Variants in ZBTB20 observed in about 807,000 individuals in gnomAD.
ZBTB20 encodes zinc finger and BTB domain containing 20.
Under a neutral mutation model 56.9 loss-of-function variants are expected in ZBTB20, and 9 were observed. That is an observed-to-expected ratio of 0.16 (90% confidence interval 0.10 to 0.28). ZBTB20 has a LOEUF of 0.28. ZBTB20 is among the 10% of genes least tolerant of loss of function. ZBTB20 has a pLI of 1.00. For synonymous variants in ZBTB20, 417 were observed against 420.7 expected (o/e 0.99, Z 0.11); for missense variants, 655 against 1,003.0 (o/e 0.65, Z 4.69).
intron 6 of ZBTB20, among the ~76,000 whole-genome samples, chr3:114,583,053 T>C (rs1559992627): frequency 6.6e-6 from 1 of 152,222 alleles, no homozygotes; most frequent in Admixed American, 6.5e-5. Flanking sequence ...ATTAACAGAA[T>C]CAACAGGTGA....
intron 7 of ZBTB20, among the ~76,000 whole-genome samples, chr3:114,446,461 C>T (rs374344525): frequency 2.8e-4 from 43 of 152,114 alleles, no homozygotes; most frequent in African/African-American, 8.2e-4. Context: ...TGCTTAAATT[C>T]GAAAGGATAG....
At chr3:115,038,469 A>G (rs2081016272) in intron 2 of ZBTB20, among the ~76,000 whole-genome samples, 1 of 152,200 alleles carries the variant, frequency 6.6e-6, no homozygotes, top group South Asian at 2.1e-4. Flanking sequence ...AAATACAATT[A>G]GTACATTGAT....
In ZBTB20 at chr3:115,040,188, T is replaced by C. The variant is rs546239557; in HGVS notation, c.-507+31031A>G. 6.6e-5 allele frequency among the ~76,000 whole-genome samples: 10 copies of C among 152,290 alleles called. No homozygotes were observed. In the South Asian group the frequency reaches 1.0e-3, roughly 16 times the overall value. ...TAATGCTGAATGACTCACTGACTGATTGAATCACTGTCATTCATTCAACAG... is the reference window on the plus strand; with the variant it reads ...TAATGCTGAATGACTCACTGACTGACTGAATCACTGTCATTCATTCAACAG... On this transcript the variant is annotated intron_variant, in intron 2 of 11. Transcript: ENST00000675478.
At chr3:114,375,003 A>G (rs1018633044) in intron 10 of ZBTB20, among the ~76,000 whole-genome samples, 1 of 152,234 alleles carries the variant, frequency 6.6e-6, no homozygotes, top group African/African-American at 2.4e-5. Flanking sequence ...TCATACAGAC[A>G]TACATTCACA....
At chr3:115,085,830 T>G (rs931906798) in intron 1 of ZBTB20, among the ~76,000 whole-genome samples, 1 of 151,854 alleles carries the variant, frequency 6.6e-6, no homozygotes, top group Non-Finnish European at 1.5e-5. Context: ...ACACTAGAAA[T>G]TTTTTTATGG....
rs72945775 is a variant in ZBTB20 at position 115,104,526 on chromosome 3, T to C, written c.-702-33112A>G. Among the ~76,000 whole-genome samples the C allele has an allele frequency of 5.9e-3, 894 of 152,274 alleles. 12 individuals are homozygous for C. Among genetic ancestry groups the C allele is most frequent in the African/African-American group, 0.021 (865 of 41,526 alleles). On this transcript the variant is annotated intron_variant, in intron 1 of 11. Transcript: ENST00000675478. Reference sequence around the variant, plus strand: ...TTTAGTGCTAAAACGAAATGAGATATCAAGCCATGAAAAGACATGTAGGAA... The same window carrying C: ...TTTAGTGCTAAAACGAAATGAGATACCAAGCCATGAAAAGACATGTAGGAA...
intron 6 of ZBTB20, among the ~76,000 whole-genome samples, chr3:114,662,323 G>C (rs1168297263): frequency 6.7e-6 from 1 of 148,698 alleles, no homozygotes; most frequent in Non-Finnish European, 1.5e-5. Flanking sequence ...ATTTGGGTTG[G>C]TTCCAAGTCT....
At chr3:115,120,795 T>C (rs912905086) in intron 1 of ZBTB20, among the ~76,000 whole-genome samples, 1 of 151,974 alleles carries the variant, frequency 6.6e-6, no homozygotes, top group Non-Finnish European at 1.5e-5. Context: ...ATTGGCACCA[T>C]AGAACATGTT....
At chr3:115,129,652 T>TA (rs2084443377) in intron 1 of ZBTB20, among the ~76,000 whole-genome samples, 1 of 152,222 alleles carries the variant, frequency 6.6e-6, no homozygotes, top group African/African-American at 2.4e-5. Flanking sequence ...AAGCTGTATT[T>TA]AGCTGTCTGT....
chr3:114,427,457 C>T (rs984425984), intron 7 of ZBTB20, among the ~76,000 whole-genome samples: 2 of 152,188 alleles, frequency 1.3e-5, no homozygotes, highest in African/African-American at 4.8e-5. Flanking sequence ...TCTAATTTCT[C>T]CCATTCTAGA....
At chr3:114,428,989 C>T (rs9288998) in intron 7 of ZBTB20, among the ~76,000 whole-genome samples, 101,030 of 151,488 alleles carry the variant, frequency 0.67, 35,976 homozygotes, top group Non-Finnish European at 0.8. Flanking sequence ...AACAATTATA[C>T]ATATATATAC....
intron 1 of ZBTB20, chr3:115,102,729 G>A (rs2083617957): frequency 6.6e-6 from 1 of 152,138 alleles, no homozygotes; most frequent in Admixed American, 6.5e-5. Flanking sequence ...AGCACTTTGG[G>A]AGGCCGAGGC....
At chr3:114,988,381 T>C (rs2078648235) in intron 2 of ZBTB20, among the ~76,000 whole-genome samples, 3 of 151,944 alleles carry the variant, frequency 2.0e-5, no homozygotes, top group African/African-American at 4.8e-5. Context: ...GATAGTTTGC[T>C]GAGAATGATG....
At chr3:114,562,005 C>T (rs2052122039) in intron 6 of ZBTB20, among the ~76,000 whole-genome samples, 1 of 152,134 alleles carries the variant, frequency 6.6e-6, no homozygotes. Flanking sequence ...CTTCACTTTG[C>T]ACTTTTATAT....
At chr3:114,509,397 A>G (rs1208776020) in intron 6 of ZBTB20, among the ~76,000 whole-genome samples, 1 of 151,520 alleles carries the variant, frequency 6.6e-6, no homozygotes, top group Non-Finnish European at 1.5e-5. Context: ...GGTAATAAGC[A>G]AAGTATTTGG....
At chr3:114,397,575 CTT>C (rs11354826) in intron 7 of ZBTB20, among the ~76,000 whole-genome samples, 65 of 145,578 alleles carry the variant, frequency 4.5e-4, no homozygotes, top group East Asian at 2.2e-3. Flanking sequence ...CACCACATAC[CTT>C]TTTTTTTTTT....
At chr3:115,112,693 A>G (rs947843045) in intron 1 of ZBTB20, among the ~76,000 whole-genome samples, 2 of 152,096 alleles carry the variant, frequency 1.3e-5, no homozygotes, top group Non-Finnish European at 2.9e-5. Flanking sequence ...TTTTTTATCC[A>G]TTTGTCCACT....
intron 5 of ZBTB20, among the ~76,000 whole-genome samples, chr3:114,702,899 T>C (rs542215362): frequency 6.6e-6 from 1 of 152,154 alleles, no homozygotes; most frequent in South Asian, 2.1e-4. Context: ...ACTTTACACA[T>C]TACATTAAGT....
chr3:114,535,333 C>T (rs2048337045), intron 6 of ZBTB20, among the ~76,000 whole-genome samples: 1 of 152,134 alleles, frequency 6.6e-6, no homozygotes. Flanking sequence ...CACAGAAATA[C>T]AAACTACCAT....
Sources: gnomAD v4.1 joint callset for allele counts (sites outside exome capture counted in the v4.1 genomes callset) on GRCh38, gnomAD v4.1.1 for gene constraint, MANE v1.5 for transcripts, NCBI Gene and HGNC (gene_info 2026-07-23, HGNC 2026-07-21) for gene names.